Variants in MTMR14 observed in about 807,000 individuals in gnomAD.
The protein encoded by MTMR14 is myotubularin related protein 14.
A neutral mutation model predicts 86.3 loss-of-function variants in MTMR14; 48 were observed. The ratio of observed to expected loss-of-function variants is 0.56; its 90% CI spans 0.44 to 0.71. The LOEUF is 0.71. Among genes scored for constraint, MTMR14 ranks in the 30% least tolerant of loss-of-function variants. MTMR14 has a pLI of 0.00. For synonymous variants in MTMR14, 366 were observed against 326.1 expected (o/e 1.12, Z -1.32); for missense variants, 780 against 834.6 (o/e 0.93, Z 0.81).
At position 9,669,439 on chromosome 3, in the gene MTMR14, A is replaced by G. The variant is rs2048448735; in HGVS notation, c.501A>G (p.Ala167=). Residue 167 remains alanine (A), a synonymous_variant, in exon 5 of 19, where the codon GCA becomes GCG. Transcript: ENST00000296003. ...GATAGGTTTCTCTGGCAGGGGGTGC[A>G]GATGATGCCTGGGCAGATGTGGAGG... ...SGYNYFFSGG[A]DDAWADVEDV... is the part of the protein sequence containing the mutation. 2.5e-6 allele frequency: 4 copies of G among 1,613,946 alleles called. No individual in the cohort carries two copies. Among genetic ancestry groups the G allele is most frequent in the Non-Finnish European group, 3.4e-6 (4 of 1,179,904 alleles).
At chr3:9,667,450 T>C (rs2048318518) in intron 3 of MTMR14, among the ~76,000 whole-genome samples, 1 of 152,186 alleles carries the variant, frequency 6.6e-6, no homozygotes, top group African/African-American at 2.4e-5. Flanking sequence ...ATTTTTTTTT[T>C]CAGGAGATAG....
chr3:9,673,876 G>C (rs2048708738), intron 7 of MTMR14, among the ~76,000 whole-genome samples: 1 of 151,700 alleles, frequency 6.6e-6, no homozygotes, highest in Non-Finnish European at 1.5e-5. Flanking sequence ...GAAAGCTTCA[G>C]GGAACCTCCT....
chr3:9,676,572 A>G (rs1018699851), intron 7 of MTMR14, among the ~76,000 whole-genome samples: 1 of 152,232 alleles, frequency 6.6e-6, no homozygotes, highest in Non-Finnish European at 1.5e-5. Flanking sequence ...TTAAACAGCC[A>G]TTTTACAAAT....
chr3:9,693,472 C>G (rs1320635076), intron 17 of MTMR14, among the ~76,000 whole-genome samples: 1 of 152,234 alleles, frequency 6.6e-6, no homozygotes, highest in African/African-American at 2.4e-5. Flanking sequence ...GACTAGAAGC[C>G]TTACCAATAA....
Position 9,677,435 on chromosome 3 carries a change from G to A in MTMR14, c.822+48G>A. 3.3e-6 allele frequency: 5 copies of A among 1,532,558 alleles called. No homozygotes were observed. The highest frequency in any genetic ancestry group is 4.5e-6 in the Non-Finnish European group (5 of 1,105,866). The allele number at this position is 1,532,558 out of a possible 1,614,324, so 94.9% of individuals were successfully genotyped here. A position where few individuals can be genotyped will look rare whatever the true frequency, so the allele number is the denominator to read the frequency against. Reference sequence around the variant, plus strand: ...AATTGGATCTATGTCTCTTTGTAAAGGGAGGCCAAGGAGAACAACAAGCAG... The same window carrying A: ...AATTGGATCTATGTCTCTTTGTAAAAGGAGGCCAAGGAGAACAACAAGCAG... On this transcript the variant is annotated intron_variant, in intron 8 of 18. Coordinates refer to ENST00000296003, the MANE Select transcript of MTMR14 (RefSeq NM_001077525.3). This position sits in a 1 kb window ranked among gnomAD's most constrained non-coding sequence, Gnocchi z 4.2.
At chr3:9,657,825 AG>A in intron 2 of MTMR14, among the ~76,000 whole-genome samples, 1 of 152,180 alleles carries the variant, frequency 6.6e-6, no homozygotes, top group Non-Finnish European at 1.5e-5. Context: ...CTGGGATTAC[AG>A]GTATGAGCCA....
intron 18 of MTMR14, among the ~76,000 whole-genome samples, chr3:9,698,997 C>T (rs1354132231): frequency 3.3e-5 from 5 of 151,980 alleles, no homozygotes; most frequent in East Asian, 1.9e-4. Context: ...GGAGAAACCC[C>T]GTCTCTACTA....
intron 2 of MTMR14, among the ~76,000 whole-genome samples, chr3:9,659,383 ATCC>A (rs1345268614): frequency 6.6e-6 from 1 of 152,188 alleles, no homozygotes; most frequent in African/African-American, 2.4e-5. Context: ...CAATAAAAGA[ATCC>A]TAAGGACAAG....
At chr3:9,650,948 C>T (rs979854738) in intron 1 of MTMR14, among the ~76,000 whole-genome samples, 5 of 152,064 alleles carry the variant, frequency 3.3e-5, no homozygotes, top group African/African-American at 4.8e-5. Context: ...ACCACCACGC[C>T]CAGCTAATTA....
In MTMR14 at chr3:9,685,208, C is replaced by T. The variant is rs147105261; in HGVS notation, c.1128-3C>T. ...CTTTGCCTCTCTACCCTCCTTTTTT[C>T]AGGCACATGTTGGTAGATCGGCTCA... On this transcript the variant is annotated splice_polypyrimidine_tract_variant and splice_region_variant and intron_variant, in intron 12 of 18. Transcript: ENST00000296003. The T allele has an allele frequency of 8.8e-5, 142 of 1,614,108 alleles. 1 individual carries two copies. The East Asian group carries it at 3.1e-3, about 36-fold the overall frequency.
chr3:9,701,414 T>C lies in MTMR14; in HGVS notation c.1770-376T>C. Reference sequence around the variant, plus strand: ...ACCCTATCATGGTGGCATGTGCCTGTAGTCCCAGCTACTTGAGGGGCTGAG... The same window carrying C: ...ACCCTATCATGGTGGCATGTGCCTGCAGTCCCAGCTACTTGAGGGGCTGAG... On this transcript the variant is annotated intron_variant, in intron 18 of 18. Transcript: ENST00000296003. The surrounding 1 kb of genome is among the most constrained non-coding windows in gnomAD (Gnocchi z 4.2). 1 of 323,824 alleles carries C rather than the reference T, an allele frequency of 3.1e-6. No individual in the cohort carries two copies. Among genetic ancestry groups the C allele is most frequent in the South Asian group, 2.7e-5 (1 of 36,468 alleles). The allele number at this position is 323,824 out of a possible 1,614,324, so 20.1% of individuals were successfully genotyped here.
intron 13 of MTMR14, 40 bp downstream of exon 13, chr3:9,685,287 C>A: frequency 6.2e-7 from 1 of 1,612,678 alleles, no homozygotes; most frequent in Non-Finnish European, 8.5e-7. Flanking sequence ...CAGCTCAGCA[C>A]TGAAAGAGGG....
chr3:9,679,985 C>T (rs564373149), intron 9 of MTMR14, among the ~76,000 whole-genome samples: 25 of 152,150 alleles, frequency 1.6e-4, no homozygotes, highest in African/African-American at 4.6e-4. Context: ...CTTTTCTGCC[C>T]GCAAAGCCCT....
chr3:9,684,453 G>C, intron 10 of MTMR14, 132 bp from the exon 11 acceptor site: 1 of 832,544 alleles, frequency 1.2e-6, no homozygotes, highest in Non-Finnish European at 2.1e-6. Flanking sequence ...GAAGAGCCAT[G>C]GGGAGGCCAC....
chr3:9,674,742 A>T (rs1483496117), intron 7 of MTMR14, among the ~76,000 whole-genome samples: 2 of 152,258 alleles, frequency 1.3e-5, no homozygotes, highest in African/African-American at 4.8e-5. Flanking sequence ...AAATGTGCTT[A>T]TAAAAAAGGC....
intron 17 of MTMR14, among the ~76,000 whole-genome samples, chr3:9,693,858 A>G (rs2076207585): frequency 6.6e-6 from 1 of 152,212 alleles, no homozygotes; most frequent in Non-Finnish European, 1.5e-5. Flanking sequence ...AGGAATAATA[A>G]GGAACAACTG....
chr3:9,662,134 T>C, intron 2 of MTMR14, 133 bp from the exon 3 acceptor site: 2 of 708,248 alleles, frequency 2.8e-6, no homozygotes, highest in Middle Eastern at 3.7e-4. Context: ...GATATAAAAT[T>C]TAGGAATGAC....
At chr3:9,680,032 C>T (rs1223871804) in intron 9 of MTMR14, among the ~76,000 whole-genome samples, 2 of 152,180 alleles carry the variant, frequency 1.3e-5, no homozygotes, top group Non-Finnish European at 2.9e-5. Context: ...ACCATCTCCC[C>T]AGGTGATCTC....
chr3:9,690,749 T>A (rs2076113800), intron 17 of MTMR14, among the ~76,000 whole-genome samples: 1 of 152,240 alleles, frequency 6.6e-6, no homozygotes, highest in Non-Finnish European at 1.5e-5. Flanking sequence ...GGAAAGCATT[T>A]CCTACCACTT....
Sources: allele counts gnomAD v4.1 joint callset (sites outside exome capture counted in the v4.1 genomes callset), GRCh38; gene constraint gnomAD v4.1.1; non-coding constraint Gnocchi (gnomAD v3.1); transcripts MANE v1.5; gene names NCBI Gene and HGNC (gene_info 2026-07-23, HGNC 2026-07-21).